ELMO1: variants seen among roughly 807,000 people sequenced by gnomAD.
The protein encoded by ELMO1 is engulfment and cell motility protein 1.
A neutral mutation model predicts 98.9 loss-of-function variants in ELMO1; 26 were observed. The ratio of observed to expected loss-of-function variants is 0.26; its 90% CI spans 0.19 to 0.36. The LOEUF (loss-of-function observed/expected upper bound fraction) is 0.36, where lower values mean the gene tolerates loss of function less well. Ranked by LOEUF, ELMO1 falls within the 10% of genes least tolerant of loss-of-function variation. The probability of loss-of-function intolerance (pLI) is 1.00; values close to 1 mark genes in which losing one functional copy is unlikely to be tolerated. For synonymous variants in ELMO1, 346 were observed against 346.0 expected, an observed-to-expected ratio of 1.00 and a Z score of 0.00; for missense variants, 627 against 935.2, an observed-to-expected ratio of 0.67 and a Z score of 4.30.
intron 1 of ELMO1, among the ~76,000 whole-genome samples, chr7:37,446,427 G>C (rs1805620781): frequency 6.6e-6 from 1 of 152,144 alleles, no homozygotes; most frequent in Admixed American, 6.5e-5. Context: ...ATTTTATATG[G>C]GGTAGCCAGG....
intron 2 of ELMO1, among the ~76,000 whole-genome samples, chr7:37,333,581 TC>T (rs545210853): frequency 6.6e-6 from 1 of 152,372 alleles, no homozygotes; most frequent in African/African-American, 2.4e-5. Context: ...GCTGTGTTTT[TC>T]TTCAAAAACT....
At chr7:36,953,967 T>G (rs1399383727) in intron 16 of ELMO1, among the ~76,000 whole-genome samples, 2 of 151,930 alleles carry the variant, frequency 1.3e-5, no homozygotes, top group African/African-American at 4.8e-5. Context: ...CTATCTTTAT[T>G]CAGAAGCTAA....
chr7:37,246,519 GA>G (rs898155978), intron 6 of ELMO1, among the ~76,000 whole-genome samples: 10 of 151,888 alleles, frequency 6.6e-5, no homozygotes, highest in Non-Finnish European at 8.8e-5. Flanking sequence ...CGAAATGGGG[GA>G]AAAAAAATCA....
intron 1 of ELMO1, chr7:37,351,224 T>G (rs1801252909): frequency 6.6e-6 from 1 of 152,252 alleles, no homozygotes; most frequent in African/African-American, 2.4e-5. Flanking sequence ...TTTTATATAT[T>G]AAAGTATTTA....
intron 13 of ELMO1, among the ~76,000 whole-genome samples, chr7:37,170,833 A>T (rs1790103308): frequency 6.6e-6 from 1 of 151,950 alleles, no homozygotes; most frequent in South Asian, 2.1e-4. Context: ...TCTCAAACTC[A>T]TGGCCTCAAG....
intron 15 of ELMO1, among the ~76,000 whole-genome samples, chr7:37,027,676 T>C (rs115164708): frequency 1.4e-3 from 206 of 152,272 alleles, no homozygotes; most frequent in African/African-American, 4.7e-3. Context: ...GCAAGGACCA[T>C]AGCTCTTTGC....
intron 13 of ELMO1, among the ~76,000 whole-genome samples, chr7:37,183,825 G>A (rs1400897334): frequency 1.3e-5 from 2 of 151,970 alleles, no homozygotes; most frequent in African/African-American, 4.8e-5. Flanking sequence ...ATAAAATAAA[G>A]GCAAAATACC....
intron 16 of ELMO1, among the ~76,000 whole-genome samples, chr7:36,941,813 C>T (rs1388673193): frequency 6.6e-6 from 1 of 152,212 alleles, no homozygotes; most frequent in Non-Finnish European, 1.5e-5. Flanking sequence ...ATTCACTCTA[C>T]AAAACATCCT....
At chr7:37,292,721 C>T (rs1453385365) in intron 4 of ELMO1, among the ~76,000 whole-genome samples, 12 of 98,404 alleles carry the variant, frequency 1.2e-4, no homozygotes, top group Non-Finnish European at 2.1e-4. Flanking sequence ...GCAGCCGCCC[C>T]GTCCGGGAGG....
At chr7:37,366,338 C>T (rs1402255208) in intron 1 of ELMO1, among the ~76,000 whole-genome samples, 1 of 152,050 alleles carries the variant, frequency 6.6e-6, no homozygotes, top group Non-Finnish European at 1.5e-5. Flanking sequence ...TTAACTATTT[C>T]TCATATATTA....
chr7:37,008,226 C>T (rs1241509549), intron 16 of ELMO1, among the ~76,000 whole-genome samples: 4 of 152,180 alleles, frequency 2.6e-5, no homozygotes, highest in Non-Finnish European at 4.4e-5. Flanking sequence ...CAATCATCAG[C>T]GAAGAGATCT....
At chr7:37,072,634 A>C (rs2129226102) in intron 15 of ELMO1, among the ~76,000 whole-genome samples, 1 of 152,276 alleles carries the variant, frequency 6.6e-6, no homozygotes, top group Non-Finnish European at 1.5e-5. Context: ...ACACATCCCA[A>C]ATGAGGAATC....
chr7:37,096,612 T>C lies in ELMO1; in HGVS notation c.1300+7A>G, dbSNP rs886791979. ...TTCACACCCATGTGGGAAATAAGTA[T>C]ACTTACGCAACTCGCCCACTTTCAA... is the stretch of plus-strand genomic sequence containing the variant. On this transcript the variant is annotated splice_region_variant and intron_variant, in intron 15 of 21. Coordinates refer to ENST00000310758, the MANE Select transcript of ELMO1 (RefSeq NM_014800.11). The C allele has an allele frequency of 1.9e-6, 3 of 1,613,500 alleles. No homozygotes were observed. The highest frequency in any genetic ancestry group is 1.7e-5 in the Admixed American group (1 of 60,026).
In ELMO1 at chr7:37,096,694, G is replaced by A. The variant is rs2129257358; in HGVS notation, c.1225C>T (p.His409Tyr). Residue 409 changes from histidine (H) to tyrosine (Y), a missense_variant, in exon 15 of 22, where the codon CAT (histidine) becomes TAT (tyrosine). His to Tyr is a moderately conservative substitution (Grantham distance 83, BLOSUM62 2). Around this residue, in one of 3 missense-constraint regions of ELMO1, gnomAD observed 492 missense variants for 715.6 expected, o/e 0.69. Coordinates refer to ENST00000310758, the MANE Select transcript of ELMO1 (RefSeq NM_014800.11). ...CTACTGCGGCCAAAGGGACATTCAT[G>A]CTTGTCTTCTCGACTACTGTTCTCA... The part of the protein sequence containing the change: ...VLENSSREDK[H>Y]ECPFGRSSIE... 1.9e-6 allele frequency: 3 copies of A among 1,614,136 alleles called. No homozygotes were observed. The highest frequency in any genetic ancestry group is 4.5e-5 in the East Asian group (2 of 44,876).
intron 13 of ELMO1, among the ~76,000 whole-genome samples, chr7:37,174,343 T>C (rs1790380612): frequency 6.6e-6 from 1 of 152,148 alleles, no homozygotes; most frequent in African/African-American, 2.4e-5. Context: ...TCTCTGTTCA[T>C]TGTGTTTGGG....
At chr7:37,140,312 G>A (rs1366318859) in intron 13 of ELMO1, among the ~76,000 whole-genome samples, 1 of 151,990 alleles carries the variant, frequency 6.6e-6, no homozygotes, top group Admixed American at 6.6e-5. Flanking sequence ...CGTGAACCTG[G>A]GAGGCAGAGC....
intron 1 of ELMO1, among the ~76,000 whole-genome samples, chr7:37,398,680 C>T (rs1346426680): frequency 6.6e-6 from 1 of 152,140 alleles, no homozygotes. Context: ...CTGCTATCGT[C>T]TCATCCTAAG....
chr7:36,942,910 T>C (rs1262635503), intron 16 of ELMO1, among the ~76,000 whole-genome samples: 1 of 152,196 alleles, frequency 6.6e-6, no homozygotes, highest in Non-Finnish European at 1.5e-5. Context: ...TCCAAGGATC[T>C]GGAAGGAAAA....
At chr7:37,204,469 T>C (rs912189727) in intron 13 of ELMO1, among the ~76,000 whole-genome samples, 2 of 152,176 alleles carry the variant, frequency 1.3e-5, no homozygotes, top group Admixed American at 1.3e-4. Flanking sequence ...GCTGCAGACC[T>C]TCGCGGTGAG....
Sources: allele counts gnomAD v4.1 joint callset (sites outside exome capture counted in the v4.1 genomes callset), GRCh38; gene constraint gnomAD v4.1.1; regional missense constraint gnomAD v4.1.1; transcripts MANE v1.5; gene names NCBI Gene and HGNC (gene_info 2026-07-23, HGNC 2026-07-21).